The following FER variants were observed in gnomAD, a reference collection of about 807,000 sequenced individuals.
FER encodes FER tyrosine kinase, also known as tyrosine-protein kinase Fer.
FER carries 63 observed loss-of-function variants against 111.0 expected under a neutral mutation model. The ratio of observed to expected loss-of-function variants is 0.57; its 90% CI spans 0.46 to 0.70. The LOEUF (loss-of-function observed/expected upper bound fraction) is 0.70. FER is among the 30% of genes least tolerant of loss of function. FER has a pLI of 0.00. For missense variants in FER, 914 were observed against 954.0 expected, an observed-to-expected ratio of 0.96 and a Z score of 0.55; for synonymous variants, 327 against 313.9, an observed-to-expected ratio of 1.04 and a Z score of -0.44.
chr5:109,107,619 G>A (rs1024622818), intron 17 of FER, among the ~76,000 whole-genome samples: 1 of 152,028 alleles, frequency 6.6e-6, no homozygotes, highest in African/African-American at 2.4e-5. Flanking sequence ...TTTATCATAA[G>A]GAAAGTTATG....
At chr5:108,970,534 A>T (rs2149695949) in intron 13 of FER, among the ~76,000 whole-genome samples, 1 of 152,188 alleles carries the variant, frequency 6.6e-6, no homozygotes, top group East Asian at 1.9e-4. Context: ...CTTTATTTTT[A>T]GAAGTGTTTA....
chr5:109,126,353 G>A (rs1751721596), intron 17 of FER, among the ~76,000 whole-genome samples: 1 of 152,054 alleles, frequency 6.6e-6, no homozygotes, highest in Non-Finnish European at 1.5e-5. Flanking sequence ...TAGAGCAACA[G>A]GAGCAATACT....
At chr5:108,755,298 T>C (rs1262700044) in intron 1 of FER, among the ~76,000 whole-genome samples, 1 of 152,314 alleles carries the variant, frequency 6.6e-6, no homozygotes, top group East Asian at 1.9e-4. Flanking sequence ...GTAATGCTTT[T>C]CTGTATGCTT....
intron 16 of FER, among the ~76,000 whole-genome samples, chr5:109,097,107 A>G (rs1747634833): frequency 6.6e-6 from 1 of 151,624 alleles, no homozygotes; most frequent in Non-Finnish European, 1.5e-5. Context: ...AGCCGTCTTG[A>G]GAAATAAATG....
intron 16 of FER, among the ~76,000 whole-genome samples, chr5:109,059,387 G>A (rs1247763044): frequency 6.6e-6 from 1 of 151,862 alleles, no homozygotes. Flanking sequence ...AATTAGCTGG[G>A]TGTGGTGGCG....
intron 17 of FER, among the ~76,000 whole-genome samples, chr5:109,157,876 C>T (rs75945893): frequency 0.034 from 5,196 of 152,084 alleles, 143 homozygotes; most frequent in South Asian, 0.084. Flanking sequence ...AAGTTCTGCA[C>T]GAAGCTGACA....
At chr5:109,158,479 A>G (rs1755647899) in intron 17 of FER, among the ~76,000 whole-genome samples, 1 of 152,192 alleles carries the variant, frequency 6.6e-6, no homozygotes, top group African/African-American at 2.4e-5. Flanking sequence ...TTAGAAAAAA[A>G]TGATGGCAGG....
intron 3 of FER, 139 bp downstream of exon 3, chr5:108,798,528 C>G (rs1756296397): frequency 1.3e-6 from 1 of 762,616 alleles, no homozygotes; most frequent in African/African-American, 1.8e-5. Context: ...GTATGAAAAT[C>G]TCATGGAGAA....
At chr5:109,094,957 G>A (rs1747307133) in intron 16 of FER, among the ~76,000 whole-genome samples, 2 of 152,132 alleles carry the variant, frequency 1.3e-5, no homozygotes, top group South Asian at 2.1e-4. Flanking sequence ...CATCATGTCT[G>A]GCAAGAGTAT....
At chr5:108,893,451 C>T (rs1454997850) in intron 9 of FER, among the ~76,000 whole-genome samples, 1 of 151,506 alleles carries the variant, frequency 6.6e-6, no homozygotes, top group African/African-American at 2.4e-5. Context: ...TGAGATTTTA[C>T]ATTTAAATCT....
chr5:108,756,897 T>C (rs1380552125), intron 1 of FER, among the ~76,000 whole-genome samples: 10 of 152,314 alleles, frequency 6.6e-5, no homozygotes, highest in African/African-American at 1.4e-4. Context: ...GTAAATTACA[T>C]GGCTTCAGAT....
intron 10 of FER, among the ~76,000 whole-genome samples, chr5:108,937,900 T>A (rs912293066): frequency 1.3e-5 from 2 of 151,656 alleles, no homozygotes; most frequent in African/African-American, 2.4e-5. Context: ...AATTTTTTTT[T>A]ATAAAGGGCA....
intron 16 of FER, among the ~76,000 whole-genome samples, chr5:109,049,598 A>G (rs1029792034): frequency 7.9e-5 from 12 of 152,138 alleles, no homozygotes; most frequent in African/African-American, 2.9e-4. Flanking sequence ...AATTAAAACT[A>G]TTGAATAAAG....
At chr5:108,886,575 A>G (rs1473851892) in intron 9 of FER, among the ~76,000 whole-genome samples, 2 of 151,630 alleles carry the variant, frequency 1.3e-5, no homozygotes, top group East Asian at 1.9e-4. Context: ...CTTACTTACA[A>G]TCACATACAT....
At chr5:108,853,102 A>G (rs1163264042) in intron 5 of FER, among the ~76,000 whole-genome samples, 1 of 152,144 alleles carries the variant, frequency 6.6e-6, no homozygotes, top group Admixed American at 6.6e-5. Flanking sequence ...CTTAATTACT[A>G]AAAAGATGAT....
intron 3 of FER, among the ~76,000 whole-genome samples, chr5:108,804,496 T>C (rs1481685514): frequency 1.3e-5 from 2 of 152,150 alleles, no homozygotes; most frequent in Admixed American, 1.3e-4. Context: ...CTGTTTTGAA[T>C]TATATTCCTT....
intron 13 of FER, among the ~76,000 whole-genome samples, chr5:108,990,683 G>C (rs1216845374): frequency 1.3e-5 from 2 of 151,706 alleles, no homozygotes; most frequent in East Asian, 1.9e-4. Flanking sequence ...AAGAGAGAGA[G>C]ACACAGAAAA....
intron 16 of FER, among the ~76,000 whole-genome samples, chr5:109,063,090 T>C (rs1774634642): frequency 6.6e-6 from 1 of 150,818 alleles, no homozygotes; most frequent in Non-Finnish European, 1.5e-5. Flanking sequence ...CTTAGAAATC[T>C]AGACATGATT....
intron 6 of FER, among the ~76,000 whole-genome samples, chr5:108,870,101 A>G (rs946511978): frequency 5.9e-5 from 9 of 152,094 alleles, no homozygotes; most frequent in Admixed American, 5.9e-4. Flanking sequence ...TAGTATCTTC[A>G]TCATCACTGG....
Sources: gnomAD v4.1 joint callset for allele counts (sites outside exome capture counted in the v4.1 genomes callset) on GRCh38, gnomAD v4.1.1 for gene constraint, MANE v1.5 for transcripts, NCBI Gene and HGNC (gene_info 2026-07-23, HGNC 2026-07-21) for gene names.